The following SPIDR variants were observed in gnomAD, a reference collection of about 807,000 sequenced individuals.
The protein encoded by SPIDR is DNA repair-scaffolding protein.
A neutral mutation model predicts 104.6 loss-of-function variants in SPIDR; 93 were observed. The observed-to-expected ratio is 0.89, with a 90% CI of 0.75 to 1.06. The LOEUF is 1.06. Ranked by LOEUF, SPIDR falls within the 50% of genes least tolerant of loss-of-function variation. The pLI is 0.00. For synonymous variants in SPIDR, 431 were observed against 416.9 expected (o/e 1.03, Z -0.41); for missense variants, 1,154 against 1,111.2 (o/e 1.04, Z -0.55).
At chr8:47,350,469 A>G (rs1231978626) in intron 5 of SPIDR, among the ~76,000 whole-genome samples, 1 of 151,422 alleles carries the variant, frequency 6.6e-6, no homozygotes. Context: ...GTGTGCCACC[A>G]TGCCTGGCTA....
At chr8:47,684,959 C>T (rs2077553701) in intron 11 of SPIDR, among the ~76,000 whole-genome samples, 1 of 152,210 alleles carries the variant, frequency 6.6e-6, no homozygotes, top group African/African-American at 2.4e-5. Context: ...CCCATTACAC[C>T]TGTAATCCCA....
intron 8 of SPIDR, among the ~76,000 whole-genome samples, chr8:47,472,379 A>G (rs1490683092): frequency 4.6e-5 from 7 of 152,182 alleles, no homozygotes; most frequent in Non-Finnish European, 1.0e-4. Flanking sequence ...CTCTGTTGAG[A>G]CCACTGATGA....
chr8:47,555,003 T>C (rs148027335), intron 8 of SPIDR, among the ~76,000 whole-genome samples: 117 of 152,362 alleles, frequency 7.7e-4, no homozygotes, highest in African/African-American at 2.4e-3. Flanking sequence ...TAGAAATTAA[T>C]AGCAAATTTT....
Position 47,403,556 on chromosome 8 carries a change from C to T in SPIDR, c.777-4305C>T, listed in dbSNP as rs2062234964. 2.0e-5 allele frequency among the ~76,000 whole-genome samples: 3 copies of T among 152,228 alleles called. No individual in the cohort carries two copies. The South Asian group carries it at 6.2e-4, about 32-fold the overall frequency. On this transcript the variant is annotated intron_variant, in intron 6 of 19. Coordinates refer to ENST00000297423, the MANE Select transcript of SPIDR (RefSeq NM_001080394.4). ...AAAAATCACAAGCATTCTTATACAC[C>T]AATAACAGACAAAACAGCCAAATTA... is the stretch of plus-strand genomic sequence containing the variant.
chr8:47,486,690 GAT>G (rs1410933128), intron 8 of SPIDR, among the ~76,000 whole-genome samples: 6 of 152,094 alleles, frequency 3.9e-5, no homozygotes, highest in African/African-American at 9.7e-5. Context: ...AGTGGGGGCC[GAT>G]ATTCAACATT....
At chr8:47,525,773 CAAAA>C (rs748970837) in intron 8 of SPIDR, among the ~76,000 whole-genome samples, 7 of 108,994 alleles carry the variant, frequency 6.4e-5, no homozygotes, top group Admixed American at 9.0e-5. Context: ...GACCCTGCCT[CAAAA>C]AAAAAAAAAA....
At chr8:47,711,458 C>T (rs962969546) in intron 14 of SPIDR, among the ~76,000 whole-genome samples, 2 of 151,942 alleles carry the variant, frequency 1.3e-5, no homozygotes, top group Non-Finnish European at 1.5e-5. Context: ...TGAGCTCAAG[C>T]GATGCCCTCA....
At chr8:47,276,115 C>T (rs975311492) in intron 1 of SPIDR, among the ~76,000 whole-genome samples, 9 of 152,178 alleles carry the variant, frequency 5.9e-5, no homozygotes, top group Non-Finnish European at 1.3e-4. Context: ...CCTGCGTTGG[C>T]CTCCCAAAGT....
At chr8:47,590,906 A>G (rs1388649213) in intron 8 of SPIDR, among the ~76,000 whole-genome samples, 3 of 152,060 alleles carry the variant, frequency 2.0e-5, no homozygotes, top group East Asian at 1.9e-4. Flanking sequence ...GTGCCTTTCT[A>G]TATTTGGAGT....
chr8:47,343,107 T>C, intron 5 of SPIDR, among the ~76,000 whole-genome samples: 1 of 152,210 alleles, frequency 6.6e-6, no homozygotes, highest in East Asian at 1.9e-4. Flanking sequence ...GTATTTTTTC[T>C]TTTTTAAATA....
rs1488907517 is a variant in SPIDR at position 47,701,986 on chromosome 8, T to C, written c.1948T>C (p.Tyr650His). 2 of 1,613,946 alleles carry C rather than the reference T, an allele frequency of 1.2e-6. No individual in the cohort carries two copies. The highest frequency in any genetic ancestry group is 2.7e-5 in the African/African-American group (2 of 74,874). Residue 650 changes from tyrosine to histidine, a missense_variant, in exon 14 of 20, where the codon TAT becomes CAT. Transcript: ENST00000297423. ...MNDLGTRCSF[Y>H]ATVIYQKPQL... is the part of the protein sequence containing the mutation. ...TGATCTTGGTACCCGTTGCAGTTTC[T>C]ATGCCACGGTGATTTACCAAAAACC...
At chr8:47,512,655 G>A (rs995976118) in intron 8 of SPIDR, among the ~76,000 whole-genome samples, 2 of 152,158 alleles carry the variant, frequency 1.3e-5, no homozygotes, top group Non-Finnish European at 2.9e-5. Flanking sequence ...TCCTGGGAAT[G>A]TTTTGCATTC....
chr8:47,694,717 C>T (rs1049080480), intron 11 of SPIDR, among the ~76,000 whole-genome samples: 2 of 151,930 alleles, frequency 1.3e-5, no homozygotes, highest in Non-Finnish European at 2.9e-5. Context: ...CCACTGCACT[C>T]CAGCCTGGGT....
chr8:47,621,993 G>T (rs1032092968), intron 10 of SPIDR, among the ~76,000 whole-genome samples: 6 of 152,176 alleles, frequency 3.9e-5, no homozygotes, highest in African/African-American at 1.4e-4. Flanking sequence ...TGGAAAGGTA[G>T]ATTGAGATCA....
chr8:47,396,308 A>G (rs2061238331), intron 5 of SPIDR, 68 bp from the exon 6 acceptor site: 5 of 1,299,462 alleles, frequency 3.8e-6, no homozygotes, highest in Middle Eastern at 4.3e-4. Flanking sequence ...ATAGATGTAT[A>G]TAAATGTGGA....
chr8:47,675,888 T>C (rs1481340421), intron 11 of SPIDR, among the ~76,000 whole-genome samples: 1 of 152,210 alleles, frequency 6.6e-6, no homozygotes, highest in African/African-American at 2.4e-5. Flanking sequence ...ATGGTAACCA[T>C]CAGGGTCGTT....
chr8:47,694,538 G>T lies in SPIDR; in HGVS notation c.1686-5865G>T, dbSNP rs146856579. 2.8e-3 allele frequency among the ~76,000 whole-genome samples: 423 copies of T among 152,354 alleles called. 1 individual carries two copies. Among genetic ancestry groups the T allele is most frequent in the Non-Finnish European group, 4.8e-3 (326 of 68,032 alleles). The stretch of plus-strand genomic sequence containing the variant: ...AATCCTAGCACTTTGGGAGGCCAAG[G>T]CAGGAGGATCACTTGAGGCCAAACA... On this transcript the variant is annotated intron_variant, in intron 11 of 19. Coordinates refer to ENST00000297423, the MANE Select transcript of SPIDR (RefSeq NM_001080394.4).
intron 5 of SPIDR, among the ~76,000 whole-genome samples, chr8:47,365,149 T>C (rs1210474166): frequency 2.6e-5 from 4 of 152,224 alleles, no homozygotes; most frequent in Non-Finnish European, 5.9e-5. Context: ...AGCTCCTTCC[T>C]GGACATTGAA....
chr8:47,319,164 G>A (rs1289440124), intron 5 of SPIDR, among the ~76,000 whole-genome samples: 1 of 152,156 alleles, frequency 6.6e-6, no homozygotes, highest in East Asian at 1.9e-4. Flanking sequence ...TGGATAAAGA[G>A]TCAAGACCCA....
Sources: allele counts gnomAD v4.1 joint callset (sites outside exome capture counted in the v4.1 genomes callset), GRCh38; gene constraint gnomAD v4.1.1; transcripts MANE v1.5; gene names NCBI Gene and HGNC (gene_info 2026-07-23, HGNC 2026-07-21).